The following RORA variants were observed in gnomAD, a reference collection of about 807,000 sequenced individuals.
The protein encoded by RORA is RAR related orphan receptor A.
A neutral mutation model predicts 69.5 loss-of-function variants in RORA; 7 were observed. The ratio of observed to expected loss-of-function variants is 0.10; its 90% CI spans 0.06 to 0.19. RORA has a LOEUF of 0.19. RORA is among the 10% of genes least tolerant of loss of function. The pLI is 1.00. For missense variants in RORA, 457 were observed against 663.0 expected (o/e 0.69, Z 3.41); for synonymous variants, 261 against 240.8 (o/e 1.08, Z -0.78).
At chr15:61,197,196 T>C (rs985742234) in intron 1 of RORA, among the ~76,000 whole-genome samples, 1 of 152,222 alleles carries the variant, frequency 6.6e-6, no homozygotes, top group Non-Finnish European at 1.5e-5. Flanking sequence ...ATTACAAAGC[T>C]GTCTGCATTT....
At chr15:61,064,031 A>C (rs1056148846) in intron 1 of RORA, among the ~76,000 whole-genome samples, 1 of 152,194 alleles carries the variant, frequency 6.6e-6, no homozygotes, top group Admixed American at 6.5e-5. Flanking sequence ...ATAATGTATC[A>C]AGCCCATACC....
chr15:61,042,875 C>T (rs766501195), intron 1 of RORA, among the ~76,000 whole-genome samples: 21 of 152,184 alleles, frequency 1.4e-4, no homozygotes, highest in Non-Finnish European at 3.1e-4. Context: ...GTAGCAAAGA[C>T]ACCCAGACTC....
rs1402288947 is a variant in RORA, at chr15:61,098,797, C to T, written c.166+130256G>A. Among the ~76,000 whole-genome samples the T allele has an allele frequency of 2.0e-5, 3 of 152,314 alleles. No individual in the cohort carries two copies. In the East Asian group the frequency reaches 5.8e-4, roughly 29 times the overall value. ...TTGCTTTAAAGTGAACTTAACTCCT[C>T]TTGATTACTGTTATTGGAATGTCTA... On this transcript the variant is annotated intron_variant, in intron 1 of 10. Transcript: ENST00000335670.
intron 2 of RORA, among the ~76,000 whole-genome samples, chr15:60,578,464 C>T (rs1262494809): frequency 6.6e-6 from 1 of 152,120 alleles, no homozygotes; most frequent in Non-Finnish European, 1.5e-5. Context: ...CAGGAGATAA[C>T]AGACTCAAAG....
chr15:60,834,790 G>A (rs776649797), intron 1 of RORA, among the ~76,000 whole-genome samples: 6 of 152,024 alleles, frequency 3.9e-5, no homozygotes, highest in Non-Finnish European at 7.4e-5. Context: ...GCGACCCCTC[G>A]ACAATGCTGA....
chr15:61,012,726 T>C (rs1895128168), intron 1 of RORA, among the ~76,000 whole-genome samples: 1 of 152,132 alleles, frequency 6.6e-6, no homozygotes, highest in Admixed American at 6.5e-5. Context: ...CTCAGCTTAC[T>C]GCAGCCCAGA....
intron 1 of RORA, among the ~76,000 whole-genome samples, chr15:61,187,413 G>A (rs1053272038): frequency 6.6e-6 from 1 of 152,178 alleles, no homozygotes. Flanking sequence ...TAGCTCTCGA[G>A]AGGAAAATCC....
At chr15:60,910,889 G>T (rs1361120083) in intron 1 of RORA, among the ~76,000 whole-genome samples, 2 of 140,220 alleles carry the variant, frequency 1.4e-5, no homozygotes, top group African/African-American at 2.6e-5. Flanking sequence ...TTTTTTTGTT[G>T]TTGTTGTTTT....
chr15:60,846,757 A>G (rs1431178459), intron 1 of RORA, among the ~76,000 whole-genome samples: 1 of 152,232 alleles, frequency 6.6e-6, no homozygotes, highest in Non-Finnish European at 1.5e-5. Flanking sequence ...CTAAAAGCTG[A>G]GTATGTTGCA....
chr15:60,706,095 C>G (rs554187808), intron 1 of RORA: 1 of 152,270 alleles, frequency 6.6e-6, no homozygotes, highest in African/African-American at 2.4e-5. Context: ...AGCACCGAAT[C>G]CACCCATTGA....
In RORA at chr15:60,488,378, A is replaced by AT. The variant is rs2064984785; in HGVS notation, c.*9076dup. 1 of 152,248 alleles carries AT rather than the reference A, an allele frequency of 6.6e-6. No homozygotes were observed. Among genetic ancestry groups the AT allele is most frequent in the Non-Finnish European group, 1.5e-5 (1 of 68,038 alleles). 9.4% of individuals were successfully genotyped at this position (152,248 alleles called of 1,614,324 possible). A position where few individuals can be genotyped will look rare whatever the true frequency, so the allele number is the denominator to read the frequency against. On this transcript the variant is annotated 3_prime_UTR_variant, in exon 11 of 11. Transcript: ENST00000335670. ...ATGCACTTTTAATAAAGGTAATGTA[A>AT]TATTAAAGGTACAGTTTCTAAGTAC...
chr15:60,954,456 A>C (rs1398079668), intron 1 of RORA, among the ~76,000 whole-genome samples: 1 of 149,498 alleles, frequency 6.7e-6, no homozygotes, highest in East Asian at 2.0e-4. Flanking sequence ...AAAAAAAAAG[A>C]ACTTCCCATA....
At chr15:60,802,113 C>A (rs920160342) in intron 1 of RORA, among the ~76,000 whole-genome samples, 5 of 152,114 alleles carry the variant, frequency 3.3e-5, no homozygotes, top group African/African-American at 1.2e-4. Context: ...AAAACAGGCA[C>A]CACTGTTAAG....
Position 60,997,646 on chromosome 15 carries a change from C to T in RORA, c.166+231407G>A, listed in dbSNP as rs1376258235. Among the ~76,000 whole-genome samples, 5 of 152,134 alleles carry T rather than the reference C, an allele frequency of 3.3e-5. No homozygotes were observed. In the East Asian group the frequency reaches 7.7e-4, roughly 23 times the overall value. ...CACATTTATCTTCTTAGAAAGCACC[C>T]ATGTATATCTTCCACATGATAGTTA... On this transcript the variant is annotated intron_variant, in intron 1 of 10. Transcript: ENST00000335670.
chr15:61,195,076 T>C (rs1472695874), intron 1 of RORA, among the ~76,000 whole-genome samples: 2 of 152,132 alleles, frequency 1.3e-5, no homozygotes, highest in Non-Finnish European at 2.9e-5. Flanking sequence ...GTGATGTCTT[T>C]AGGATCTAAA....
At chr15:61,162,549 C>T (rs778652626) in intron 1 of RORA, among the ~76,000 whole-genome samples, 2 of 152,000 alleles carry the variant, frequency 1.3e-5, no homozygotes, top group Admixed American at 6.6e-5. Flanking sequence ...AGGTGACAGC[C>T]GTCCATGGCC....
chr15:60,905,287 C>G lies in RORA; in HGVS notation c.167-226601G>C, dbSNP rs1891505529. ...GAAATGTAAATTCACTGTTTTTTCT[C>G]CAGAGCAGCCAGAGGTTCCTTAATT... On this transcript the variant is annotated intron_variant, in intron 1 of 10. Coordinates refer to ENST00000335670, the MANE Select transcript of RORA (RefSeq NM_134261.3). This position sits in a 1 kb window ranked among gnomAD's most constrained non-coding sequence, Gnocchi z 4.8. Among the ~76,000 whole-genome samples, 1 of 152,188 alleles carries G rather than the reference C, an allele frequency of 6.6e-6. No homozygotes were observed. The highest frequency in any genetic ancestry group is 1.5e-5 in the Non-Finnish European group (1 of 68,036).
intron 2 of RORA, chr15:60,650,667 G>C (rs1168093387): frequency 2.0e-5 from 3 of 152,164 alleles, no homozygotes; most frequent in South Asian, 2.1e-4. Flanking sequence ...CGGAGCCCTC[G>C]TGAAGGTTTC....
At chr15:60,874,229 A>T (rs1422968739) in intron 1 of RORA, among the ~76,000 whole-genome samples, 1 of 152,130 alleles carries the variant, frequency 6.6e-6, no homozygotes, top group Non-Finnish European at 1.5e-5. Context: ...AATTCTGCTT[A>T]TTTGCAGACA....
Sources: allele counts gnomAD v4.1 joint callset (sites outside exome capture counted in the v4.1 genomes callset), GRCh38; gene constraint gnomAD v4.1.1; non-coding constraint Gnocchi (gnomAD v3.1); transcripts MANE v1.5; gene names NCBI Gene and HGNC (gene_info 2026-07-23, HGNC 2026-07-21).